The following CMKLR1 variants were observed in gnomAD, a reference collection of about 807,000 sequenced individuals.
CMKLR1 encodes chemerin-like receptor 1.
In CMKLR1, 6 loss-of-function variants were observed where a neutral mutation model predicts 8.2. The observed-to-expected ratio is 0.73, with a 90% CI of 0.40 to 1.44. The LOEUF is 1.44. Ranked by LOEUF, CMKLR1 falls within the 40% of genes most tolerant of loss-of-function variation. CMKLR1 has a pLI of 0.02. For synonymous variants in CMKLR1, 178 were observed against 181.2 expected (o/e 0.98, Z 0.14); for missense variants, 429 against 478.0 (o/e 0.90, Z 0.96).
In CMKLR1 at chr12:108,292,446, G is replaced by A. The variant is rs758950696; in HGVS notation, c.517C>T (p.Pro173Ser). 3 of 1,614,030 alleles carry A rather than the reference G, an allele frequency of 1.9e-6. No individual in the cohort carries two copies. In the African/African-American group the frequency reaches 4.0e-5, roughly 22 times the overall value. The part of the protein sequence containing the change: ...IWVLAFFLSS[P>S]SLVFRDTANL... ...GCTGTGTCCCGGAAGACGAGAGATG[G>A]GGAACTCAAGAAGAAAGCCAGGACC... The change falls in exon 4 of 4, where the codon CCA becomes TCA. Residue 173 changes from proline to serine, a missense_variant. Physicochemically the swap from Pro to Ser is moderately conservative, Grantham distance 74 (BLOSUM62 -1). Transcript: ENST00000550402.
At chr12:108,333,451 C>T (rs1892152556) in intron 1 of CMKLR1, among the ~76,000 whole-genome samples, 1 of 152,090 alleles carries the variant, frequency 6.6e-6, no homozygotes. Flanking sequence ...GTCTGGGAAC[C>T]CAAGATCACA....
At chr12:108,310,345 T>C (rs915656681) in intron 2 of CMKLR1, among the ~76,000 whole-genome samples, 5 of 152,108 alleles carry the variant, frequency 3.3e-5, no homozygotes, top group African/African-American at 1.2e-4. Context: ...CTAAAAAGAT[T>C]CCAGCTTCTA....
intron 2 of CMKLR1, chr12:108,317,751 G>C (rs1241939738): frequency 6.6e-6 from 1 of 152,106 alleles, no homozygotes; most frequent in Non-Finnish European, 1.5e-5. Context: ...TTGCTGACCA[G>C]GCATCACAAC....
intron 2 of CMKLR1, among the ~76,000 whole-genome samples, chr12:108,298,945 G>A (rs1261979546): frequency 6.6e-6 from 1 of 152,254 alleles, no homozygotes; most frequent in Non-Finnish European, 1.5e-5. Context: ...GGAGATGGCA[G>A]CACAAGGTCC....
chr12:108,297,218 T>C (rs1891160963), intron 2 of CMKLR1, among the ~76,000 whole-genome samples: 1 of 152,236 alleles, frequency 6.6e-6, no homozygotes, highest in African/African-American at 2.4e-5. Flanking sequence ...ACCTTTGTGG[T>C]GACCCACTTC....
intron 3 of CMKLR1, 131 bp from the exon 4 acceptor site, chr12:108,293,090 C>G (rs927900349): frequency 2.6e-5 from 22 of 830,822 alleles, no homozygotes; most frequent in Admixed American, 5.7e-5. Flanking sequence ...CCATTTCCTT[C>G]TTTGCTATTT....
intron 2 of CMKLR1, among the ~76,000 whole-genome samples, chr12:108,313,269 C>T (rs956464105): frequency 2.7e-4 from 39 of 144,282 alleles, no homozygotes; most frequent in African/African-American, 8.5e-4. Context: ...CCCCACCCTA[C>T]CCCACCCCAC....
chr12:108,321,713 G>C (rs1891865810), intron 2 of CMKLR1, among the ~76,000 whole-genome samples: 1 of 152,144 alleles, frequency 6.6e-6, no homozygotes, highest in Non-Finnish European at 1.5e-5. Context: ...CCTCTCCTCT[G>C]TATTCCCAGA....
chr12:108,323,647 T>C (rs757943761), intron 2 of CMKLR1, among the ~76,000 whole-genome samples: 1 of 152,206 alleles, frequency 6.6e-6, no homozygotes, highest in Non-Finnish European at 1.5e-5. Context: ...GCTGCAAATC[T>C]TCAGATGACA....
At chr12:108,304,153 C>G (rs977232044) in intron 2 of CMKLR1, among the ~76,000 whole-genome samples, 1 of 152,162 alleles carries the variant, frequency 6.6e-6, no homozygotes, top group Admixed American at 6.5e-5. Flanking sequence ...GGGTGTTTAC[C>G]CTCCAGCTCC....
chr12:108,320,526 C>T (rs1271140933), intron 2 of CMKLR1: 1 of 152,302 alleles, frequency 6.6e-6, no homozygotes, highest in African/African-American at 2.4e-5. Context: ...ACCTCCTAAG[C>T]CCTTCATATA....
intron 2 of CMKLR1, among the ~76,000 whole-genome samples, chr12:108,317,643 C>T (rs532714261): frequency 3.9e-5 from 6 of 152,342 alleles, no homozygotes; most frequent in East Asian, 1.9e-4. Flanking sequence ...ATGAAAACCA[C>T]GGGCCTTAGA....
At position 108,291,029 on chromosome 12, in the gene CMKLR1, G is replaced by C. The variant is rs1189672315; in HGVS notation, c.*812C>G. 3 of 152,374 alleles carry C rather than the reference G, an allele frequency of 2.0e-5. No individual in the cohort carries two copies. Among genetic ancestry groups the C allele is most frequent in the African/African-American group, 7.2e-5 (3 of 41,468 alleles). The allele number at this position is 152,374 out of a possible 1,614,324, so 9.4% of individuals were successfully genotyped here. A position where few individuals can be genotyped will look rare whatever the true frequency, so the allele number is the denominator to read the frequency against. Reference sequence around the variant, plus strand: ...ACAACCCCACCCCCAGGTAAGAGGGGCAAGGTGAGATCAGGGGCTGGCACC... The same window carrying C: ...ACAACCCCACCCCCAGGTAAGAGGGCCAAGGTGAGATCAGGGGCTGGCACC... On this transcript the variant is annotated 3_prime_UTR_variant, in exon 4 of 4. Coordinates refer to ENST00000550402, the MANE Select transcript of CMKLR1 (RefSeq NM_001142343.2).
chr12:108,292,980 C>T, intron 3 of CMKLR1, 21 bp from the exon 4 acceptor site: 1 of 1,582,650 alleles, frequency 6.3e-7, no homozygotes, highest in Non-Finnish European at 8.6e-7. Flanking sequence ...AGACAGGGAC[C>T]ATTAGAGGAA....
intron 2 of CMKLR1, among the ~76,000 whole-genome samples, chr12:108,300,813 T>C (rs1257365455): frequency 6.6e-6 from 1 of 152,178 alleles, no homozygotes; most frequent in Non-Finnish European, 1.5e-5. Flanking sequence ...CATAAGAAAG[T>C]TCACCATTAA....
chr12:108,334,181 G>A (rs1279698302), intron 1 of CMKLR1, among the ~76,000 whole-genome samples: 5 of 152,252 alleles, frequency 3.3e-5, no homozygotes, highest in Non-Finnish European at 7.3e-5. Context: ...TTGCCCTGTG[G>A]AGAGCCAGAC....
chr12:108,298,000 G>C (rs1016365140), intron 2 of CMKLR1, among the ~76,000 whole-genome samples: 2 of 152,204 alleles, frequency 1.3e-5, no homozygotes, highest in African/African-American at 4.8e-5. Flanking sequence ...TGTGCTCAGT[G>C]AGAAATACTC....
At chr12:108,332,331 A>G (rs1892129785) in intron 1 of CMKLR1, among the ~76,000 whole-genome samples, 1 of 152,234 alleles carries the variant, frequency 6.6e-6, no homozygotes, top group South Asian at 2.1e-4. Flanking sequence ...GAATCACTTG[A>G]GTCCAGGAGT....
intron 2 of CMKLR1, among the ~76,000 whole-genome samples, chr12:108,309,393 G>T (rs901522800): frequency 2.0e-5 from 3 of 152,168 alleles, no homozygotes; most frequent in Non-Finnish European, 4.4e-5. Context: ...ACATGGGCTG[G>T]TGCTGTGGAA....
Sources: gnomAD v4.1 joint callset for allele counts (sites outside exome capture counted in the v4.1 genomes callset) on GRCh38, gnomAD v4.1.1 for gene constraint, MANE v1.5 for transcripts, NCBI Gene and HGNC (gene_info 2026-07-23, HGNC 2026-07-21) for gene names.